Variants in KANSL2 observed in about 807,000 individuals in gnomAD.
The protein encoded by KANSL2 is NSL complex protein NSL2.
A neutral mutation model predicts 55.6 loss-of-function variants in KANSL2; 34 were observed. The observed-to-expected ratio is 0.61, with a 90% CI of 0.46 to 0.81. The LOEUF is 0.81. KANSL2 is among the 40% of genes least tolerant of loss of function. KANSL2 has a pLI of 0.00. For synonymous variants in KANSL2, 209 were observed against 214.3 expected, an observed-to-expected ratio of 0.98 and a Z score of 0.22; for missense variants, 502 against 609.9, an observed-to-expected ratio of 0.82 and a Z score of 1.86.
chr12:48,675,825 T>A (rs1248341762), intron 4 of KANSL2, among the ~76,000 whole-genome samples: 2 of 152,198 alleles, frequency 1.3e-5, no homozygotes, highest in Non-Finnish European at 1.5e-5. Context: ...TGCTCTGGTA[T>A]GCACAAATTA....
chr12:48,654,443 A>G (rs369140279), intron 9 of KANSL2: 5 of 704,994 alleles, frequency 7.1e-6, no homozygotes, highest in Non-Finnish European at 1.3e-5. Context: ...CCAACAGACC[A>G]CAGGAAGACA....
Position 48,678,975 on chromosome 12 carries a change from G to A in KANSL2, c.545+61C>T, listed in dbSNP as rs1445967900. On this transcript the variant is annotated intron_variant, in intron 4 of 9. Coordinates refer to ENST00000420613, the MANE Select transcript of KANSL2 (RefSeq NM_017822.4). ...TAGGTTACTAATTTATTAACAGCAT[G>A]CAGCACTACATTCCACATACTAACT... 5 of 1,160,646 alleles carry A rather than the reference G, an allele frequency of 4.3e-6. No individual in the cohort carries two copies. In the East Asian group the frequency reaches 1.2e-4, roughly 28 times the overall value. 71.9% of individuals were successfully genotyped at this position (1,160,646 alleles called of 1,614,324 possible).
intron 5 of KANSL2, among the ~76,000 whole-genome samples, chr12:48,671,167 A>G (rs545028530): frequency 1.4e-4 from 21 of 151,424 alleles, no homozygotes; most frequent in African/African-American, 5.1e-4. Context: ...TGGGAGGCTG[A>G]GGTGGGAGAA....
chr12:48,657,396 G>A (rs992329212), intron 8 of KANSL2, among the ~76,000 whole-genome samples: 18 of 152,202 alleles, frequency 1.2e-4, no homozygotes, highest in African/African-American at 4.3e-4. Flanking sequence ...CTGCACTCCA[G>A]TCTGGGCAAC....
At chr12:48,655,707 G>A (rs1372011953) in intron 8 of KANSL2, among the ~76,000 whole-genome samples, 1 of 152,276 alleles carries the variant, frequency 6.6e-6, no homozygotes, top group Non-Finnish European at 1.5e-5. Flanking sequence ...AAAAAGTTCT[G>A]GAACAGAAAA....
At chr12:48,657,101 G>C (rs1373006993) in intron 8 of KANSL2, among the ~76,000 whole-genome samples, 3 of 152,182 alleles carry the variant, frequency 2.0e-5, no homozygotes, top group Non-Finnish European at 4.4e-5. Flanking sequence ...AAGCTGCTCA[G>C]GCCGGGTGCA....
chr12:48,666,700 ATAAT>A (rs1939607693), intron 7 of KANSL2, among the ~76,000 whole-genome samples: 2 of 151,932 alleles, frequency 1.3e-5, no homozygotes, highest in African/African-American at 4.8e-5. Flanking sequence ...CTCAAAAAAT[ATAAT>A]TAATAATAAA....
At chr12:48,673,583 G>C (rs1180700656) in intron 4 of KANSL2, among the ~76,000 whole-genome samples, 1 of 142,644 alleles carries the variant, frequency 7.0e-6, no homozygotes, top group Non-Finnish European at 1.5e-5. Flanking sequence ...AAAAAAAAAA[G>C]AACTTCTAAA....
At position 48,681,523 on chromosome 12, in the gene KANSL2, T is replaced by A; in HGVS notation, c.110A>T (p.His37Leu). Residue 37 changes from histidine to leucine, a missense_variant, in exon 2 of 10, where the codon CAC (histidine) becomes CTC (leucine). Transcript: ENST00000420613. ...SCAFTHRPCS[H>L]PRLEGQEFCI... ...AAACTCCTGCCCCTCCAGACGAGGG[T>A]GAGAGCATGGACGATGAGTGAATGC... 1 of 1,613,798 alleles carries A rather than the reference T, an allele frequency of 6.2e-7. No individual in the cohort carries two copies. The highest frequency in any genetic ancestry group is 1.1e-5 in the South Asian group (1 of 91,056).
At chr12:48,670,326 A>T (rs1390056829) in intron 5 of KANSL2, among the ~76,000 whole-genome samples, 11 of 147,192 alleles carry the variant, frequency 7.5e-5, no homozygotes, top group South Asian at 2.1e-4. Context: ...TCTATTTATT[A>T]AAAAAAAAAA....
At chr12:48,664,633 G>A (rs1203604442) in intron 7 of KANSL2, among the ~76,000 whole-genome samples, 1 of 136,682 alleles carries the variant, frequency 7.3e-6, no homozygotes, top group Non-Finnish European at 1.5e-5. Context: ...CCAGGCTGGA[G>A]TGCAGTGGCG....
intron 8 of KANSL2, among the ~76,000 whole-genome samples, chr12:48,659,067 G>GT (rs1241550430): frequency 3.9e-5 from 6 of 152,102 alleles, no homozygotes; most frequent in Admixed American, 3.9e-4. Context: ...GCCAAGGTGG[G>GT]TGGGTCACTT....
At chr12:48,677,307 G>A (rs1185235076) in intron 4 of KANSL2, among the ~76,000 whole-genome samples, 1 of 152,134 alleles carries the variant, frequency 6.6e-6, no homozygotes, top group Non-Finnish European at 1.5e-5. Flanking sequence ...GCAGCCTCCT[G>A]TAAGTTAAAT....
At chr12:48,666,689 C>A (rs1160819900) in intron 7 of KANSL2, among the ~76,000 whole-genome samples, 2 of 150,070 alleles carry the variant, frequency 1.3e-5, no homozygotes, top group African/African-American at 2.5e-5. Flanking sequence ...CGAGACTCTG[C>A]CTCAAAAAAT....
At chr12:48,669,610 C>A (rs1405305915) in intron 5 of KANSL2, among the ~76,000 whole-genome samples, 4 of 151,940 alleles carry the variant, frequency 2.6e-5, no homozygotes, top group African/African-American at 9.7e-5. Flanking sequence ...CTCCGCCCCC[C>A]AGGTTCACGC....
At chr12:48,668,796 C>T (rs764805717) in intron 6 of KANSL2, among the ~76,000 whole-genome samples, 10 of 152,192 alleles carry the variant, frequency 6.6e-5, no homozygotes, top group Non-Finnish European at 1.2e-4. Flanking sequence ...AATCCCAACA[C>T]TTTGGGAGGC....
chr12:48,676,453 G>A (rs531588885), intron 4 of KANSL2, among the ~76,000 whole-genome samples: 2 of 152,146 alleles, frequency 1.3e-5, no homozygotes, highest in East Asian at 2.0e-4. Context: ...CAGATCAGGA[G>A]TTCAAGACCA....
intron 2 of KANSL2, among the ~76,000 whole-genome samples, chr12:48,680,830 T>A (rs113534893): frequency 6.6e-6 from 1 of 151,100 alleles, no homozygotes; most frequent in East Asian, 2.0e-4. Flanking sequence ...GTACAAAAAT[T>A]AGCCGGGCAT....
At chr12:48,659,354 C>G (rs1250738380) in intron 8 of KANSL2, among the ~76,000 whole-genome samples, 3 of 151,416 alleles carry the variant, frequency 2.0e-5, no homozygotes, top group South Asian at 4.2e-4. Flanking sequence ...AATCCCAGCA[C>G]TTTGGGAGGC....
Sources: allele counts gnomAD v4.1 joint callset (sites outside exome capture counted in the v4.1 genomes callset), GRCh38; gene constraint gnomAD v4.1.1; transcripts MANE v1.5; gene names NCBI Gene and HGNC (gene_info 2026-07-23, HGNC 2026-07-21).